The following TCF12 variants were observed in gnomAD, a reference collection of about 807,000 sequenced individuals.
The protein encoded by TCF12 is DNA-binding protein HTF4.
In TCF12, 45 loss-of-function variants were observed where a neutral mutation model predicts 86.0. The ratio of observed to expected loss-of-function variants is 0.52; its 90% CI spans 0.41 to 0.67. The LOEUF (loss-of-function observed/expected upper bound fraction) is 0.67. Ranked by LOEUF, TCF12 falls within the 30% of genes least tolerant of loss-of-function variation. The probability of loss-of-function intolerance (pLI) is 0.00; values close to 1 mark genes in which losing one functional copy is unlikely to be tolerated. For synonymous variants in TCF12, 330 were observed against 299.6 expected, an observed-to-expected ratio of 1.10 and a Z score of -1.05; for missense variants, 881 against 859.9, an observed-to-expected ratio of 1.02 and a Z score of -0.31.
At chr15:57,205,546 C>G (rs1463142527) in intron 8 of TCF12, among the ~76,000 whole-genome samples, 1 of 152,194 alleles carries the variant, frequency 6.6e-6, no homozygotes, top group East Asian at 1.9e-4. Context: ...TGAGGTATCT[C>G]TATTTGAAGG....
chr15:56,979,686 T>C, intron 3 of TCF12, among the ~76,000 whole-genome samples: 1 of 152,308 alleles, frequency 6.6e-6, no homozygotes, highest in Non-Finnish European at 1.5e-5. Flanking sequence ...TTGCTTTCCT[T>C]AGAAGAAAAA....
chr15:57,030,870 G>C (rs1424770226), intron 3 of TCF12, among the ~76,000 whole-genome samples: 1 of 152,182 alleles, frequency 6.6e-6, no homozygotes, highest in Non-Finnish European at 1.5e-5. Flanking sequence ...GTGAGTTACT[G>C]TAGTGGGATT....
intron 8 of TCF12, among the ~76,000 whole-genome samples, chr15:57,223,656 T>TTTTTTTTTTG (rs2058725057): frequency 1.9e-5 from 2 of 104,106 alleles, no homozygotes; most frequent in Non-Finnish European, 4.6e-5. Context: ...TTTTTTTTTT[T>TTTTTTTTTTG]TTTTTTTTTT....
chr15:56,978,410 CAG>C (rs1337447901), intron 3 of TCF12, among the ~76,000 whole-genome samples: 1 of 151,828 alleles, frequency 6.6e-6, no homozygotes, highest in East Asian at 1.9e-4. Flanking sequence ...GAATGAAGTT[CAG>C]AGTTAGTGAA....
intron 3 of TCF12, among the ~76,000 whole-genome samples, chr15:56,978,763 A>C (rs1237169236): frequency 1.3e-5 from 2 of 152,282 alleles, no homozygotes; most frequent in Admixed American, 1.3e-4. Flanking sequence ...GGGGCCTACT[A>C]TCCCTTAGGC....
intron 3 of TCF12, among the ~76,000 whole-genome samples, chr15:56,982,095 T>C (rs1567201397): frequency 6.6e-6 from 1 of 152,196 alleles, no homozygotes; most frequent in Admixed American, 6.5e-5. Context: ...AATTTAGATA[T>C]AATTTACCAA....
At chr15:57,269,862 T>A (rs1215161434) in intron 18 of TCF12, among the ~76,000 whole-genome samples, 1 of 152,212 alleles carries the variant, frequency 6.6e-6, no homozygotes, top group East Asian at 1.9e-4. Context: ...ATTCTTTTCT[T>A]TAAGAATGTT....
chr15:56,933,084 A>G (rs1457222822), intron 3 of TCF12, among the ~76,000 whole-genome samples: 1 of 152,206 alleles, frequency 6.6e-6, no homozygotes, highest in Non-Finnish European at 1.5e-5. Flanking sequence ...ATTCACAGCT[A>G]CCATTTAGTT....
At chr15:57,206,322 G>A (rs1326459159) in intron 8 of TCF12, among the ~76,000 whole-genome samples, 1 of 152,102 alleles carries the variant, frequency 6.6e-6, no homozygotes, top group African/African-American at 2.4e-5. Context: ...CCAACATAGT[G>A]AAACCCCTTC....
chr15:57,127,234 T>C (rs1310701302), intron 5 of TCF12, among the ~76,000 whole-genome samples: 2 of 152,102 alleles, frequency 1.3e-5, no homozygotes, highest in African/African-American at 2.4e-5. Context: ...CCATTCATCT[T>C]GGCCTCCCAA....
At chr15:57,211,084 G>GT (rs757787748) in intron 8 of TCF12, among the ~76,000 whole-genome samples, 1 of 152,156 alleles carries the variant, frequency 6.6e-6, no homozygotes, top group Non-Finnish European at 1.5e-5. Flanking sequence ...TAAATGTTTT[G>GT]TTTTCCAGGT....
chr15:57,039,389 G>A (rs1361589891), intron 3 of TCF12, among the ~76,000 whole-genome samples: 2 of 152,100 alleles, frequency 1.3e-5, no homozygotes, highest in African/African-American at 4.8e-5. Context: ...TTCGCATTTT[G>A]TTAGCCAGTT....
At position 57,106,435 on chromosome 15, in the gene TCF12, G is replaced by A. The variant is rs182630131; in HGVS notation, c.325+14544G>A. Among the ~76,000 whole-genome samples, 5 of 152,312 alleles carry A rather than the reference G, an allele frequency of 3.3e-5. No homozygotes were observed. In the East Asian group the frequency reaches 5.8e-4, roughly 18 times the overall value. On this transcript the variant is annotated intron_variant, in intron 5 of 20. Transcript: ENST00000333725. ...AAATAAAAAGTTTGTTTAAAAAATAGTAGGCACTTTTGCGTTTGGCTAGAG... is the reference window on the plus strand; with the variant it reads ...AAATAAAAAGTTTGTTTAAAAAATAATAGGCACTTTTGCGTTTGGCTAGAG...
In TCF12 at chr15:57,251,359, A is replaced by G. The variant is rs1347322943; in HGVS notation, c.1124A>G (p.Gln375Arg). The change falls in exon 14 of 21, where the codon CAG becomes CGG. Residue 375 changes from glutamine (Q) to arginine (R), a missense_variant. This residue lies in a region of TCF12 where 766 missense variants were observed against 718.9 expected (regional missense o/e 1.07). Coordinates refer to ENST00000333725, the MANE Select transcript of TCF12 (RefSeq NM_207037.2). ...GSPSPLTGTS[Q>R]WPRPGGQAPS... ...TTTTGGGTTTTAACAGGTACCAGTCAGTGGCCAAGACCTGGAGGGCAAGCA... is the reference window on the plus strand; with the variant it reads ...TTTTGGGTTTTAACAGGTACCAGTCGGTGGCCAAGACCTGGAGGGCAAGCA... The G allele has an allele frequency of 7.4e-6, 12 of 1,613,888 alleles. No individual in the cohort carries two copies. Among genetic ancestry groups the G allele is most frequent in the Non-Finnish European group, 1.0e-5 (12 of 1,179,914 alleles).
At chr15:56,999,329 C>CTT (rs1269120267) in intron 3 of TCF12, among the ~76,000 whole-genome samples, 8 of 151,974 alleles carry the variant, frequency 5.3e-5, no homozygotes, top group African/African-American at 1.9e-4. Flanking sequence ...GTTGAGTTTC[C>CTT]TTTTTTATAG....
intron 3 of TCF12, among the ~76,000 whole-genome samples, chr15:57,055,365 C>T (rs934102814): frequency 2.6e-5 from 4 of 152,150 alleles, no homozygotes; most frequent in African/African-American, 4.8e-5. Flanking sequence ...CGCGCCACTG[C>T]ACTCTGGCCT....
chr15:57,046,941 A>G (rs537402203), intron 3 of TCF12, among the ~76,000 whole-genome samples: 7 of 152,172 alleles, frequency 4.6e-5, no homozygotes, highest in Admixed American at 1.3e-4. Flanking sequence ...CTTTTCCCCA[A>G]TCTTGTTGAT....
At chr15:56,943,622 C>T (rs2140375959) in intron 3 of TCF12, among the ~76,000 whole-genome samples, 1 of 152,274 alleles carries the variant, frequency 6.6e-6, no homozygotes, top group South Asian at 2.1e-4. Flanking sequence ...TAGTAAGTAG[C>T]AGAATTAGGT....
In TCF12 at chr15:57,169,103, A is replaced by G. The variant is rs184262960; in HGVS notation, c.390+2637A>G. 9.8e-5 allele frequency among the ~76,000 whole-genome samples: 15 copies of G among 152,334 alleles called. 1 individual carries two copies. The highest frequency in any genetic ancestry group is 7.8e-4 in the Admixed American group (12 of 15,290). Reference sequence around the variant, plus strand: ...AGTTACATCATTTGGACAATGAATGATTGATAAAAGTAACTACAAAGAATC... The same window carrying G: ...AGTTACATCATTTGGACAATGAATGGTTGATAAAAGTAACTACAAAGAATC... On this transcript the variant is annotated intron_variant, in intron 6 of 20. Transcript: ENST00000333725.
Sources: gnomAD v4.1 joint callset for allele counts (sites outside exome capture counted in the v4.1 genomes callset) on GRCh38, gnomAD v4.1.1 for gene constraint, gnomAD v4.1.1 regional missense constraint, MANE v1.5 for transcripts, NCBI Gene and HGNC (gene_info 2026-07-23, HGNC 2026-07-21) for gene names.